Variants in PPP3CC observed in about 807,000 individuals in gnomAD.
PPP3CC encodes the protein serine/threonine-protein phosphatase 2B catalytic subunit gamma isoform.
A neutral mutation model predicts 60.3 loss-of-function variants in PPP3CC; 35 were observed. The observed-to-expected ratio is 0.58, with a 90% CI of 0.44 to 0.77. The LOEUF (loss-of-function observed/expected upper bound fraction) is 0.77. PPP3CC is among the 30% of genes least tolerant of loss of function. The pLI, the probability that PPP3CC is intolerant of heterozygous loss-of-function variation, is 0.00. For missense variants in PPP3CC, 570 were observed against 628.9 expected (o/e 0.91, Z 1.00); for synonymous variants, 206 against 224.3 (o/e 0.92, Z 0.73).
rs778825391 is a variant in PPP3CC at position 22,540,603 on chromosome 8, G to C, written c.1352-12G>C. 2.2e-5 allele frequency: 35 copies of C among 1,608,562 alleles called. 1 individual carries two copies. The South Asian group carries it at 3.9e-4, about 18-fold the overall frequency. ...ATTGAGCTCTCTCCACCTGCTTCCT[G>C]TTTTTCTGTAGCCATCAGAGGGTTC... On this transcript the variant is annotated splice_polypyrimidine_tract_variant and intron_variant, in intron 13 of 13. Coordinates refer to ENST00000240139, the MANE Select transcript of PPP3CC (RefSeq NM_005605.5).
intron 3 of PPP3CC, among the ~76,000 whole-genome samples, chr8:22,482,645 G>A (rs537803232): frequency 6.6e-6 from 1 of 152,100 alleles, no homozygotes; most frequent in South Asian, 2.1e-4. Flanking sequence ...TAAAAGTTTT[G>A]TTTTTTAAAC....
intron 3 of PPP3CC, among the ~76,000 whole-genome samples, chr8:22,490,188 A>G (rs949609474): frequency 6.6e-6 from 1 of 152,154 alleles, no homozygotes; most frequent in Non-Finnish European, 1.5e-5. Context: ...TTAATTTTAC[A>G]TAAATGATAT....
intron 3 of PPP3CC, among the ~76,000 whole-genome samples, chr8:22,488,114 A>T (rs191182064): frequency 2.9e-4 from 44 of 152,366 alleles, no homozygotes; most frequent in African/African-American, 1.0e-3. Context: ...GTTAGAAGGC[A>T]CAAATGTATA....
intron 12 of PPP3CC, among the ~76,000 whole-genome samples, chr8:22,535,924 G>T (rs1199914427): frequency 6.6e-6 from 1 of 152,088 alleles, no homozygotes; most frequent in Non-Finnish European, 1.5e-5. Context: ...TAGAGATGGG[G>T]TTTCACCATG....
At chr8:22,448,876 A>G (rs1267618376) in intron 1 of PPP3CC, among the ~76,000 whole-genome samples, 3 of 152,216 alleles carry the variant, frequency 2.0e-5, no homozygotes, top group Admixed American at 2.0e-4. Flanking sequence ...ACTATGGTGA[A>G]TCTAGGTAAG....
chr8:22,535,469 C>T (rs1196490195), intron 12 of PPP3CC, among the ~76,000 whole-genome samples: 1 of 151,922 alleles, frequency 6.6e-6, no homozygotes, highest in Non-Finnish European at 1.5e-5. Flanking sequence ...TAGTTTTTTT[C>T]CCACCTCATC....
At chr8:22,503,565 A>G (rs1838824207) in intron 4 of PPP3CC, among the ~76,000 whole-genome samples, 2 of 152,108 alleles carry the variant, frequency 1.3e-5, no homozygotes, top group African/African-American at 2.4e-5. Context: ...TAGTAGGTGT[A>G]TCTATTTATG....
intron 1 of PPP3CC, among the ~76,000 whole-genome samples, chr8:22,450,799 TTTTATTTATTTATTTA>T (rs199665510): frequency 0.027 from 3,565 of 133,272 alleles, 109 homozygotes; most frequent in African/African-American, 0.08. Flanking sequence ...CCTACTTTAT[TTTTATTTATTTATTTA>T]TTTATTTATT....
At chr8:22,470,009 T>C (rs529261392) in intron 1 of PPP3CC, among the ~76,000 whole-genome samples, 1 of 151,756 alleles carries the variant, frequency 6.6e-6, no homozygotes, top group East Asian at 1.9e-4. Flanking sequence ...CATGTATATA[T>C]ATATGATATG....
chr8:22,511,936 C>A (rs965623952), intron 5 of PPP3CC, among the ~76,000 whole-genome samples: 10 of 152,124 alleles, frequency 6.6e-5, no homozygotes, highest in African/African-American at 2.4e-4. Context: ...GGTCTGAGGA[C>A]ACTGCCAGCT....
At chr8:22,506,410 A>C (rs953464618) in intron 4 of PPP3CC, among the ~76,000 whole-genome samples, 1 of 152,212 alleles carries the variant, frequency 6.6e-6, no homozygotes, top group Non-Finnish European at 1.5e-5. Flanking sequence ...CTTCATCTGA[A>C]GATGTGGCAT....
At chr8:22,490,578 A>C (rs1265524005) in intron 3 of PPP3CC, among the ~76,000 whole-genome samples, 2 of 150,706 alleles carry the variant, frequency 1.3e-5, no homozygotes, top group Non-Finnish European at 3.0e-5. Flanking sequence ...CATTAGGTAT[A>C]TCTCCTAATG....
At chr8:22,520,890 A>G (rs1586859227) in intron 6 of PPP3CC, among the ~76,000 whole-genome samples, 1 of 152,146 alleles carries the variant, frequency 6.6e-6, no homozygotes, top group East Asian at 1.9e-4. Flanking sequence ...TAGCCTTGCA[A>G]TGGAGTCTAT....
intron 3 of PPP3CC, among the ~76,000 whole-genome samples, chr8:22,476,760 G>A (rs1455247190): frequency 1.3e-5 from 2 of 151,690 alleles, no homozygotes; most frequent in Admixed American, 6.6e-5. Flanking sequence ...GTGAAACGCC[G>A]TCTCTACTAA....
chr8:22,469,534 T>G (rs1837650907), intron 1 of PPP3CC, among the ~76,000 whole-genome samples: 1 of 152,036 alleles, frequency 6.6e-6, no homozygotes, highest in Non-Finnish European at 1.5e-5. Flanking sequence ...ATTCCTCATG[T>G]AATCTGTAAA....
intron 1 of PPP3CC, among the ~76,000 whole-genome samples, chr8:22,470,568 A>G (rs1837692006): frequency 6.6e-6 from 1 of 152,332 alleles, no homozygotes; most frequent in South Asian, 2.1e-4. Flanking sequence ...TCAGTCAATA[A>G]GAAAAGATAC....
chr8:22,473,128 C>A (rs536612019), intron 1 of PPP3CC, among the ~76,000 whole-genome samples: 2 of 152,244 alleles, frequency 1.3e-5, no homozygotes, highest in South Asian at 2.1e-4. Context: ...GTAAATGATA[C>A]AATATGGTAT....
At chr8:22,490,579 T>A (rs1387124364) in intron 3 of PPP3CC, among the ~76,000 whole-genome samples, 1 of 151,752 alleles carries the variant, frequency 6.6e-6, no homozygotes, top group African/African-American at 2.4e-5. Flanking sequence ...ATTAGGTATA[T>A]CTCCTAATGC....
intron 12 of PPP3CC, among the ~76,000 whole-genome samples, chr8:22,536,718 A>G (rs1028676725): frequency 6.6e-6 from 1 of 152,180 alleles, no homozygotes; most frequent in Non-Finnish European, 1.5e-5. Flanking sequence ...TTATTTTCAC[A>G]TTGGAGTCTC....
Sources: gnomAD v4.1 joint callset for allele counts (sites outside exome capture counted in the v4.1 genomes callset) on GRCh38, gnomAD v4.1.1 for gene constraint, MANE v1.5 for transcripts, NCBI Gene and HGNC (gene_info 2026-07-23, HGNC 2026-07-21) for gene names.